Variants in MMAB observed in about 807,000 individuals in gnomAD.
MMAB encodes corrinoid adenosyltransferase MMAB.
A neutral mutation model predicts 30.6 loss-of-function variants in MMAB; 17 were observed. That is an observed-to-expected ratio of 0.56 (90% confidence interval 0.38 to 0.83). The LOEUF is 0.83. MMAB is among the 40% of genes least tolerant of loss of function. The pLI, the probability that MMAB is intolerant of heterozygous loss-of-function variation, is 0.00. For missense variants in MMAB, 311 were observed against 331.6 expected (o/e 0.94, Z 0.48); for synonymous variants, 134 against 138.6 (o/e 0.97, Z 0.23).
rs965271069 is a variant in MMAB at position 109,558,955 on chromosome 12, G to A, written c.644+141C>T. 2 of 706,558 alleles carry A rather than the reference G, an allele frequency of 2.8e-6. No homozygotes were observed. Among genetic ancestry groups the A allele is most frequent in the Non-Finnish European group, 5.1e-6 (2 of 390,946 alleles). 43.8% of individuals were successfully genotyped at this position (706,558 alleles called of 1,614,324 possible). A position where few individuals can be genotyped will look rare whatever the true frequency, so the allele number is the denominator to read the frequency against. On this transcript the variant is annotated intron_variant, in intron 8 of 8. Coordinates refer to ENST00000545712, the MANE Select transcript of MMAB (RefSeq NM_052845.4). This position sits in a 1 kb window ranked among gnomAD's most constrained non-coding sequence, Gnocchi z 4.3. ...CCGGCGTGGTGCCTGGCACAGAGCA[G>A]ATGTTCATAAACACTAAGGGAATGA... is the stretch of plus-strand genomic sequence containing the variant.
rs1884375218 is a variant in MMAB, at chr12:109,565,183, A to C, written c.291-7T>G. The C allele has an allele frequency of 6.2e-7, 1 of 1,612,928 alleles. No individual in the cohort carries two copies. Among genetic ancestry groups the C allele is most frequent in the Admixed American group, 1.7e-5 (1 of 60,004 alleles). On this transcript the variant is annotated splice_polypyrimidine_tract_variant and splice_region_variant and intron_variant, in intron 3 of 8. Transcript: ENST00000545712. ...GACTAATTCCAGAGCAAACCTATGA[A>C]GAAAAAGGAAAAAGAATTTGCCTGT...
chr12:109,557,468 G>A (rs1463703345), intron 8 of MMAB, among the ~76,000 whole-genome samples: 6 of 152,206 alleles, frequency 3.9e-5, no homozygotes, highest in East Asian at 3.9e-4. Flanking sequence ...GCTCAGGTGC[G>A]TGATCAGTTT....
intron 2 of MMAB, 47 bp from the exon 3 acceptor site, chr12:109,568,910 T>C (rs759619531): frequency 1.1e-5 from 15 of 1,344,600 alleles, no homozygotes; most frequent in Non-Finnish European, 1.5e-5. Flanking sequence ...TCTGTTTTCC[T>C]GATATGCTGT....
rs1884192800 is a variant in MMAB, at chr12:109,561,345, T to TG, written c.519+74_519+75insC. 6.5e-6 allele frequency: 10 copies of TG among 1,541,514 alleles called. No individual in the cohort carries two copies. Among genetic ancestry groups the TG allele is most frequent in the Non-Finnish European group, 8.7e-6 (10 of 1,146,684 alleles). ...GCGTCTGTCACTGTGAAAAGAGGGA[T>TG]TTATTCAGAGCCCATGTGTGTCTGT... On this transcript the variant is annotated intron_variant, in intron 6 of 8. Coordinates refer to ENST00000545712, the MANE Select transcript of MMAB (RefSeq NM_052845.4). This position sits in a 1 kb window ranked among gnomAD's most constrained non-coding sequence, Gnocchi z 5.3.
In MMAB at chr12:109,565,147, C is replaced by T; in HGVS notation, c.320G>A (p.Gly107Asp). 2 of 1,613,974 alleles carry T rather than the reference C, an allele frequency of 1.2e-6. No individual in the cohort carries two copies. Among genetic ancestry groups the T allele is most frequent in the Non-Finnish European group, 1.7e-6 (2 of 1,179,940 alleles). Residue 107 changes from glycine (G) to aspartate (D), a missense_variant, in exon 4 of 9, where the codon GGC (glycine) becomes GAC (aspartate). Gly to Asp is a moderately conservative substitution (Grantham distance 94). Transcript: ENST00000545712. ...CTGAAGCTCTTCGGCAAATGTATGG[C>T]CCTTTTCTGTGACTAATTCCAGAGC... ...GFALELVTEK[G>D]HTFAEELQKI...
chr12:109,561,278 G>A lies in MMAB; in HGVS notation c.519+142C>T, dbSNP rs1484974573. On this transcript the variant is annotated intron_variant, in intron 6 of 8. Coordinates refer to ENST00000545712, the MANE Select transcript of MMAB (RefSeq NM_052845.4). This position sits in a 1 kb window ranked among gnomAD's most constrained non-coding sequence, Gnocchi z 5.3. ...GCTCCAGAGTGGGCAGGGCTGGGAG[G>A]GACCGGTGAGGACCTGGAGGGACTT... 3 of 1,574,058 alleles carry A rather than the reference G, an allele frequency of 1.9e-6. No homozygotes were observed. In the South Asian group the frequency reaches 3.4e-5, roughly 18 times the overall value.
chr12:109,556,952 G>T lies in MMAB; in HGVS notation c.*76C>A. 1 of 983,238 alleles carries T rather than the reference G, an allele frequency of 1.0e-6. No homozygotes were observed. The highest frequency in any genetic ancestry group is 1.6e-6 in the Non-Finnish European group (1 of 614,790). The allele number at this position is 983,238 out of a possible 1,614,324, so 60.9% of individuals were successfully genotyped here. A position where few individuals can be genotyped will look rare whatever the true frequency, so the allele number is the denominator to read the frequency against. On this transcript the variant is annotated 3_prime_UTR_variant, in exon 9 of 9. Coordinates refer to ENST00000545712, the MANE Select transcript of MMAB (RefSeq NM_052845.4). ...TCTGGGTGAGCTCTTCAGGAACCAG[G>T]ACCCCAGAAGGGCAAGCTCCTCTCT... is the stretch of plus-strand genomic sequence containing the variant.
rs1884568618 is a variant in MMAB, at chr12:109,569,647, GTT to G, written c.197-786_197-785del. On this transcript the variant is annotated intron_variant, in intron 2 of 8. Coordinates refer to ENST00000545712, the MANE Select transcript of MMAB (RefSeq NM_052845.4). This position sits in a 1 kb window ranked among gnomAD's most constrained non-coding sequence, Gnocchi z 4.1. ...GAGAAAGTGAAAACTGCCCCTGACA[GTT>G]TGGAGCTGGCTTTCGCTATCGGGCA... 1.3e-5 allele frequency among the ~76,000 whole-genome samples: 2 copies of G among 152,228 alleles called. No homozygotes were observed.
intron 7 of MMAB, 68 bp downstream of exon 7, chr12:109,560,972 T>TACC: frequency 4.3e-6 from 2 of 464,390 alleles, no homozygotes; most frequent in Non-Finnish European, 4.1e-6. Context: ...CCTCTCCCTC[T>TACC]CCCTCCCCCC....
At chr12:109,568,561 C>CGCAG in intron 3 of MMAB, 1 of 633,828 alleles carries the variant, frequency 1.6e-6, no homozygotes, top group Non-Finnish European at 2.8e-6. Flanking sequence ...CAGAGGCCAG[C>CGCAG]GCAGGCACAG....
At position 109,554,996 on chromosome 12, in the gene MMAB, G is replaced by T. The variant is rs1238986031; in HGVS notation, c.*2032C>A. ...GAACGCGACTGTTAACATCCAGGCTGTGACACCCGGTCCTGGAAGGACAGG... is the reference window on the plus strand; with the variant it reads ...GAACGCGACTGTTAACATCCAGGCTTTGACACCCGGTCCTGGAAGGACAGG... On this transcript the variant is annotated 3_prime_UTR_variant, in exon 9 of 9. Coordinates refer to ENST00000545712, the MANE Select transcript of MMAB (RefSeq NM_052845.4). 1 of 454,126 alleles carries T rather than the reference G, an allele frequency of 2.2e-6. No individual in the cohort carries two copies. The highest frequency in any genetic ancestry group is 4.4e-6 in the Non-Finnish European group (1 of 226,800). 28.1% of individuals were successfully genotyped at this position (454,126 alleles called of 1,614,324 possible).
Position 109,573,347 on chromosome 12 carries a change from C to T in MMAB, c.134G>A (p.Arg45Lys). ...RGPQGVEDGD[R>K]PQPSSKTPRI... Reference sequence around the variant, plus strand: ...GTTGCCCTTCCCGCCAGCCACTCACCTGTCCCCGTCTTCCACGCCCTGAGG... The same window carrying T: ...GTTGCCCTTCCCGCCAGCCACTCACTTGTCCCCGTCTTCCACGCCCTGAGG... Residue 45 changes from arginine to lysine, a missense_variant and splice_region_variant, in exon 1 of 9, where the codon AGG (arginine) becomes AAG (lysine). Arg to Lys is a conservative substitution (Grantham distance 26). Coordinates refer to ENST00000545712, the MANE Select transcript of MMAB (RefSeq NM_052845.4). The T allele has an allele frequency of 6.2e-7, 1 of 1,613,306 alleles. No individual in the cohort carries two copies. Among genetic ancestry groups the T allele is most frequent in the Non-Finnish European group, 8.5e-7 (1 of 1,179,880 alleles).
Position 109,559,176 on chromosome 12 carries a change from G to A in MMAB, c.585-21C>T. 2.5e-6 allele frequency: 4 copies of A among 1,599,070 alleles called. No homozygotes were observed. The South Asian group carries it at 3.3e-5, about 13-fold the overall frequency. On this transcript the variant is annotated intron_variant, in intron 7 of 8. Coordinates refer to ENST00000545712, the MANE Select transcript of MMAB (RefSeq NM_052845.4). ...CCACACTAGAAAGGGAGGAGACACT[G>A]AGTCACGTGACATTATGGGGCTCAA...
intron 4 of MMAB, among the ~76,000 whole-genome samples, chr12:109,564,557 A>ATTT: frequency 7.1e-6 from 1 of 140,668 alleles, no homozygotes. Flanking sequence ...CTAATTTTTA[A>ATTT]TTTTTTTTTT....
intron 7 of MMAB, among the ~76,000 whole-genome samples, chr12:109,559,640 TG>T (rs1363540370): frequency 6.6e-6 from 1 of 152,238 alleles, no homozygotes; most frequent in Admixed American, 6.5e-5. Context: ...TCTGGATTCC[TG>T]GGGTCCATGC....
chr12:109,561,838 C>A lies in MMAB; in HGVS notation c.363G>T (p.Leu121Phe). 1 of 1,607,018 alleles carries A rather than the reference C, an allele frequency of 6.2e-7. No individual in the cohort carries two copies. The highest frequency in any genetic ancestry group is 8.5e-7 in the Non-Finnish European group (1 of 1,176,368). ...AEELQKIQCT[L>F]QDVGSALATP... Reference sequence around the variant, plus strand: ...TCGCCAGGGCCGAGCCGACGTCCTGCAATGTGCACTGGATCTGGGGGGCGA... The same window carrying A: ...TCGCCAGGGCCGAGCCGACGTCCTGAAATGTGCACTGGATCTGGGGGGCGA... Residue 121 changes from leucine to phenylalanine, a missense_variant, in exon 5 of 9, where the codon TTG becomes TTT. Leu to Phe is a conservative substitution (Grantham distance 22, BLOSUM62 0). Transcript: ENST00000545712. This position sits in a 1 kb window ranked among gnomAD's most constrained non-coding sequence, Gnocchi z 5.3.
Position 109,556,644 on chromosome 12 carries a change from TCTCTCACACACA to T in MMAB, c.*372_*383del, listed in dbSNP as rs916966691. The T allele has an allele frequency of 5.0e-6, 2 of 402,752 alleles. No individual in the cohort carries two copies. The highest frequency in any genetic ancestry group is 3.8e-5 in the African/African-American group (1 of 26,322). The allele number at this position is 402,752 out of a possible 1,614,324, so 24.9% of individuals were successfully genotyped here. A position where few individuals can be genotyped will look rare whatever the true frequency, so the allele number is the denominator to read the frequency against. On this transcript the variant is annotated 3_prime_UTR_variant, in exon 9 of 9. Transcript: ENST00000545712. ...ACCTGAGCTGGCAGTGGGAGGGCTC[TCTCTCACACACA>T]CACACACACACACACACACACACAC...
chr12:109,554,575 G>A lies in MMAB; in HGVS notation c.*2453C>T, dbSNP rs777229077. Reference sequence around the variant, plus strand: ...GTTTGTTTCAAAACCCCGTGTTCCCGTGCAATGGGACTGATTGTTTCTGAG... The same window carrying A: ...GTTTGTTTCAAAACCCCGTGTTCCCATGCAATGGGACTGATTGTTTCTGAG... On this transcript the variant is annotated 3_prime_UTR_variant, in exon 9 of 9. Transcript: ENST00000545712. The A allele has an allele frequency of 2.0e-5, 9 of 453,960 alleles. No individual in the cohort carries two copies. Among genetic ancestry groups the A allele is most frequent in the East Asian group, 6.9e-5 (1 of 14,410 alleles). The allele number at this position is 453,960 out of a possible 1,614,324, so 28.1% of individuals were successfully genotyped here.
intron 4 of MMAB, among the ~76,000 whole-genome samples, chr12:109,563,487 C>A (rs1308275786): frequency 6.6e-6 from 1 of 152,246 alleles, no homozygotes; most frequent in Non-Finnish European, 1.5e-5. Context: ...TCCCCGCCCT[C>A]ACAGTGCCAA....
Sources: gnomAD v4.1 joint callset for allele counts (sites outside exome capture counted in the v4.1 genomes callset) on GRCh38, gnomAD v4.1.1 for gene constraint, Gnocchi (gnomAD v3.1) non-coding constraint, MANE v1.5 for transcripts, NCBI Gene and HGNC (gene_info 2026-07-23, HGNC 2026-07-21) for gene names.